Variants in SPAG16 observed in about 807,000 individuals in gnomAD.
SPAG16 encodes sperm-associated antigen 16 protein.
A neutral mutation model predicts 80.4 loss-of-function variants in SPAG16; 86 were observed. The ratio of observed to expected loss-of-function variants is 1.07; its 90% CI spans 0.90 to 1.28. The LOEUF (loss-of-function observed/expected upper bound fraction) is 1.28. Ranked by LOEUF, SPAG16 falls within the 50% of genes most tolerant of loss-of-function variation. The pLI is 0.00. For synonymous variants in SPAG16, 294 were observed against 265.9 expected (o/e 1.11, Z -1.03); for missense variants, 870 against 765.3 (o/e 1.14, Z -1.61).
intron 13 of SPAG16, among the ~76,000 whole-genome samples, chr2:214,098,912 A>ATTT (rs2052790111): frequency 6.8e-6 from 1 of 147,274 alleles, no homozygotes; most frequent in Non-Finnish European, 1.5e-5. Context: ...GGTCAATGAG[A>ATTT]CTTTTTTTTT....
At chr2:213,908,738 C>G (rs2077529211) in intron 11 of SPAG16, among the ~76,000 whole-genome samples, 1 of 134,462 alleles carries the variant, frequency 7.4e-6, no homozygotes, top group Admixed American at 8.4e-5. Context: ...GGAAACCAAC[C>G]AAGATCATTC....
intron 3 of SPAG16, among the ~76,000 whole-genome samples, chr2:213,299,043 T>C (rs2062616810): frequency 6.6e-6 from 1 of 152,174 alleles, no homozygotes; most frequent in Admixed American, 6.5e-5. Flanking sequence ...TACTTATTGC[T>C]TGTTAAATCC....
chr2:214,027,981 A>G (rs2048221016), intron 13 of SPAG16, among the ~76,000 whole-genome samples: 1 of 151,962 alleles, frequency 6.6e-6, no homozygotes, highest in Non-Finnish European at 1.5e-5. Flanking sequence ...TAATTAAAAT[A>G]TATATTTGTA....
intron 15 of SPAG16, among the ~76,000 whole-genome samples, chr2:214,337,219 A>C (rs1697361015): frequency 6.6e-6 from 1 of 152,070 alleles, no homozygotes; most frequent in Non-Finnish European, 1.5e-5. Context: ...TGGGTAAAAG[A>C]GACTACACCA....
intron 10 of SPAG16, among the ~76,000 whole-genome samples, chr2:213,604,570 C>A (rs1391267177): frequency 2.0e-5 from 3 of 152,112 alleles, no homozygotes; most frequent in Non-Finnish European, 2.9e-5. Flanking sequence ...TCACATTAGT[C>A]CATTTTTGTT....
At chr2:213,622,257 T>C (rs1370604796) in intron 10 of SPAG16, among the ~76,000 whole-genome samples, 1 of 152,206 alleles carries the variant, frequency 6.6e-6, no homozygotes, top group Non-Finnish European at 1.5e-5. Context: ...TTATCTGAGT[T>C]CCTTCCTGAG....
intron 10 of SPAG16, among the ~76,000 whole-genome samples, chr2:213,501,667 T>A (rs960933651): frequency 1.3e-5 from 2 of 152,180 alleles, no homozygotes; most frequent in African/African-American, 4.8e-5. Flanking sequence ...TTGTGCAAAA[T>A]GTTGTAGTAC....
intron 5 of SPAG16, among the ~76,000 whole-genome samples, chr2:213,322,169 A>G (rs1458833243): frequency 6.6e-6 from 1 of 151,566 alleles, no homozygotes; most frequent in African/African-American, 2.4e-5. Context: ...CACTATATTC[A>G]TTCATAAACC....
At chr2:214,095,435 C>T (rs56023061) in intron 13 of SPAG16, among the ~76,000 whole-genome samples, 23,913 of 152,020 alleles carry the variant, frequency 0.16, 2,060 homozygotes, top group African/African-American at 0.2. Flanking sequence ...GGAGTGTGGA[C>T]TCTGTTGTTG....
chr2:213,831,034 C>CTTT (rs34523016), intron 10 of SPAG16, among the ~76,000 whole-genome samples: 44 of 80,814 alleles, frequency 5.4e-4, no homozygotes, highest in Middle Eastern at 9.4e-3. Context: ...TGAAACATGA[C>CTTT]TTTTTTTTTT....
At chr2:213,891,115 A>T (rs2076770016) in intron 11 of SPAG16, among the ~76,000 whole-genome samples, 1 of 152,070 alleles carries the variant, frequency 6.6e-6, no homozygotes, top group African/African-American at 2.4e-5. Flanking sequence ...TAAACACAGA[A>T]TATACATTAA....
In SPAG16 at chr2:214,114,424, C is replaced by A. The variant is rs2053829233; in HGVS notation, c.1593+6163C>A. On this transcript the variant is annotated intron_variant, in intron 14 of 15. Coordinates refer to ENST00000331683, the MANE Select transcript of SPAG16 (RefSeq NM_024532.5). ...GTCTGCTGCCTTTTGTTCAGCTATG[C>A]CTTGCCCACAGAGGTTGAGTCTATA... Among the ~76,000 whole-genome samples, 4 of 152,226 alleles carry A rather than the reference C, an allele frequency of 2.6e-5. No homozygotes were observed. The South Asian group carries it at 8.3e-4, about 32-fold the overall frequency.
intron 9 of SPAG16, among the ~76,000 whole-genome samples, chr2:213,427,830 A>G (rs956993171): frequency 2.6e-5 from 4 of 152,222 alleles, no homozygotes; most frequent in African/African-American, 9.6e-5. Flanking sequence ...CTTTTTAAGA[A>G]AGATTGTTTT....
At chr2:214,291,344 C>T (rs533424467) in intron 15 of SPAG16, among the ~76,000 whole-genome samples, 3 of 103,436 alleles carry the variant, frequency 2.9e-5, no homozygotes, top group African/African-American at 3.8e-5. Context: ...CTTGCTCTGT[C>T]GCCCAGGCTG....
chr2:214,321,168 A>G (rs1245246666), intron 15 of SPAG16, among the ~76,000 whole-genome samples: 1 of 152,226 alleles, frequency 6.6e-6, no homozygotes, highest in Non-Finnish European at 1.5e-5. Context: ...AATAATTGGA[A>G]CACCTTAGTC....
chr2:214,290,102 T>C (rs956388518), intron 15 of SPAG16, among the ~76,000 whole-genome samples: 5 of 152,138 alleles, frequency 3.3e-5, no homozygotes, highest in Non-Finnish European at 7.4e-5. Flanking sequence ...CTACTCACAA[T>C]TGGTATGTTC....
chr2:213,691,900 T>TTTATTG (rs1559380258), intron 10 of SPAG16, among the ~76,000 whole-genome samples: 1 of 152,200 alleles, frequency 6.6e-6, no homozygotes, highest in Admixed American at 6.5e-5. Flanking sequence ...TTTGTAAAAG[T>TTTATTG]AATGAAGAAG....
chr2:213,555,401 A>AT (rs1238617247), intron 10 of SPAG16, among the ~76,000 whole-genome samples: 10 of 152,172 alleles, frequency 6.6e-5, no homozygotes, highest in African/African-American at 2.4e-4. Flanking sequence ...TCATGGTTGT[A>AT]TAAGTGTCTG....
At chr2:213,908,836 A>G (rs1446158142) in intron 11 of SPAG16, among the ~76,000 whole-genome samples, 2 of 150,950 alleles carry the variant, frequency 1.3e-5, no homozygotes, top group Non-Finnish European at 2.9e-5. Context: ...GGTTAGTTAC[A>G]TATGTATACA....
Sources: gnomAD v4.1 joint callset for allele counts (sites outside exome capture counted in the v4.1 genomes callset) on GRCh38, gnomAD v4.1.1 for gene constraint, MANE v1.5 for transcripts, NCBI Gene and HGNC (gene_info 2026-07-23, HGNC 2026-07-21) for gene names.